Variants in KALRN observed in about 807,000 individuals in gnomAD.
The protein encoded by KALRN is kalirin.
KALRN carries 70 observed loss-of-function variants against 353.7 expected under a neutral mutation model. The ratio of observed to expected loss-of-function variants is 0.20; its 90% CI spans 0.16 to 0.24. The LOEUF (loss-of-function observed/expected upper bound fraction) is 0.24, where lower values mean the gene tolerates loss of function less well. Ranked by LOEUF, KALRN falls within the 10% of genes least tolerant of loss-of-function variation. The pLI, the probability that KALRN is intolerant of heterozygous loss-of-function variation, is 1.00. For missense variants in KALRN, 2,791 were observed against 3,756.7 expected, an observed-to-expected ratio of 0.74 and a Z score of 6.72; for synonymous variants, 1,391 against 1,434.8, an observed-to-expected ratio of 0.97 and a Z score of 0.69.
At chr3:124,687,758 A>G (rs949454614) in intron 51 of KALRN, among the ~76,000 whole-genome samples, 2 of 152,082 alleles carry the variant, frequency 1.3e-5, no homozygotes, top group African/African-American at 2.4e-5. Flanking sequence ...CAAGTCCTCC[A>G]AGCACAATGC....
intron 13 of KALRN, among the ~76,000 whole-genome samples, chr3:124,405,206 G>A (rs2150163126): frequency 1.3e-5 from 2 of 152,238 alleles, no homozygotes; most frequent in Non-Finnish European, 2.9e-5. Flanking sequence ...AAAAAATCAG[G>A]ATTTTTCACA....
At chr3:124,676,031 T>A (rs2087147398) in intron 49 of KALRN, among the ~76,000 whole-genome samples, 1 of 152,170 alleles carries the variant, frequency 6.6e-6, no homozygotes, top group Non-Finnish European at 1.5e-5. Context: ...TTTGGGTGCC[T>A]TTTAGGTAAG....
chr3:124,261,962 A>G (rs1431427190), intron 3 of KALRN, among the ~76,000 whole-genome samples: 1 of 152,228 alleles, frequency 6.6e-6, no homozygotes, highest in Non-Finnish European at 1.5e-5. Flanking sequence ...TTCACAGAAG[A>G]AATATTTACA....
chr3:124,121,749 C>G (rs1166078698), intron 1 of KALRN, among the ~76,000 whole-genome samples: 2 of 152,128 alleles, frequency 1.3e-5, no homozygotes, highest in African/African-American at 4.8e-5. Flanking sequence ...TCCATAAGGC[C>G]ATTAATTATT....
At chr3:124,394,626 TA>T (rs1369269149) in intron 11 of KALRN, among the ~76,000 whole-genome samples, 1 of 152,242 alleles carries the variant, frequency 6.6e-6, no homozygotes. Context: ...TTAGCAATTT[TA>T]AAAAGAACAA....
chr3:124,218,972 T>C lies in KALRN; in HGVS notation c.74-9018T>C, dbSNP rs896881773. On this transcript the variant is annotated intron_variant, in intron 1 of 59. Coordinates refer to ENST00000682506, the MANE Select transcript of KALRN (RefSeq NM_001388419.1). ...TATAGCTAATATTGACTTTAGAAAGTTCATATTGAAATTGGCCTCAATTAG... is the reference window on the plus strand; with the variant it reads ...TATAGCTAATATTGACTTTAGAAAGCTCATATTGAAATTGGCCTCAATTAG... 5.3e-5 allele frequency among the ~76,000 whole-genome samples: 8 copies of C among 152,330 alleles called. No homozygotes were observed. The South Asian group carries it at 1.4e-3, about 28-fold the overall frequency.
intron 57 of KALRN, among the ~76,000 whole-genome samples, chr3:124,709,981 T>C (rs1402102533): frequency 6.6e-6 from 1 of 152,210 alleles, no homozygotes; most frequent in South Asian, 2.1e-4. Flanking sequence ...ACATTAGCAG[T>C]CAACATTACC....
At chr3:124,650,113 T>C (rs1167167969) in intron 37 of KALRN, among the ~76,000 whole-genome samples, 2 of 152,182 alleles carry the variant, frequency 1.3e-5, no homozygotes, top group African/African-American at 2.4e-5. Flanking sequence ...ATTTGCATAA[T>C]GAAATGCTAA....
intron 43 of KALRN, 101 bp downstream of exon 43, chr3:124,659,558 C>A: frequency 1.2e-6 from 1 of 808,976 alleles, no homozygotes; most frequent in South Asian, 1.4e-5. Flanking sequence ...CTCCACCACA[C>A]TGTCCCAAAG....
chr3:124,388,188 A>C (rs1049037157), intron 11 of KALRN, among the ~76,000 whole-genome samples: 2 of 152,106 alleles, frequency 1.3e-5, no homozygotes, highest in Non-Finnish European at 2.9e-5. Context: ...TTGCTTTGTA[A>C]TAATTATGAG....
chr3:124,341,686 A>G (rs1283503319), intron 9 of KALRN, among the ~76,000 whole-genome samples: 1 of 152,206 alleles, frequency 6.6e-6, no homozygotes, highest in East Asian at 1.9e-4. Flanking sequence ...TTAAACATGT[A>G]TTAAGCAACT....
chr3:124,531,975 C>G (rs1561233905), intron 33 of KALRN, among the ~76,000 whole-genome samples: 1 of 152,148 alleles, frequency 6.6e-6, no homozygotes. Context: ...GGAACTTTTT[C>G]AAGACTTAGA....
chr3:124,425,839 G>A (rs2092990454), intron 15 of KALRN, among the ~76,000 whole-genome samples: 1 of 152,086 alleles, frequency 6.6e-6, no homozygotes, highest in Non-Finnish European at 1.5e-5. Flanking sequence ...TTGTTAAATA[G>A]GGAAGTAGAC....
At chr3:124,404,157 A>AAAAAAAG (rs1426420443) in intron 13 of KALRN, among the ~76,000 whole-genome samples, 1 of 150,412 alleles carries the variant, frequency 6.6e-6, no homozygotes, top group African/African-American at 2.4e-5. Flanking sequence ...TCTCTGGAAA[A>AAAAAAAG]AAAAAAAAAA....
chr3:124,659,599 C>T (rs760067983), intron 43 of KALRN, 142 bp downstream of exon 43: 143 of 597,658 alleles, frequency 2.4e-4, no homozygotes, highest in Non-Finnish European at 3.8e-4. Context: ...GTGGTAGGGA[C>T]GTGGGAACTT....
intron 1 of KALRN, chr3:124,082,177 G>A (rs1388940799): frequency 2.3e-5 from 10 of 443,172 alleles, no homozygotes; most frequent in South Asian, 1.2e-4. Context: ...GGGTTTGGCA[G>A]CACCATTGCC....
chr3:124,106,165 G>A (rs966613217), intron 1 of KALRN, among the ~76,000 whole-genome samples: 1 of 152,218 alleles, frequency 6.6e-6, no homozygotes, highest in African/African-American at 2.4e-5. Context: ...GCAGATGGAA[G>A]TGGTAGACTG....
intron 9 of KALRN, among the ~76,000 whole-genome samples, chr3:124,344,146 G>T (rs1293825963): frequency 6.6e-6 from 1 of 152,174 alleles, no homozygotes; most frequent in African/African-American, 2.4e-5. Context: ...AAGATTATAA[G>T]GAGTACCTTG....
chr3:124,506,514 G>A lies in KALRN; in HGVS notation c.4935+10101G>A, dbSNP rs2065249642. Among the ~76,000 whole-genome samples the A allele has an allele frequency of 2.6e-5, 4 of 152,288 alleles. No homozygotes were observed. In the South Asian group the frequency reaches 8.3e-4, roughly 32 times the overall value. On this transcript the variant is annotated intron_variant, in intron 33 of 59. Coordinates refer to ENST00000682506, the MANE Select transcript of KALRN (RefSeq NM_001388419.1). The stretch of plus-strand genomic sequence containing the variant: ...GTTCTTTTTGAAATTGCTAATTGCA[G>A]AGAGAGGTATACATTAACTAGAATT...
Sources: allele counts gnomAD v4.1 joint callset (sites outside exome capture counted in the v4.1 genomes callset), GRCh38; gene constraint gnomAD v4.1.1; transcripts MANE v1.5; gene names NCBI Gene and HGNC (gene_info 2026-07-23, HGNC 2026-07-21).